ME3: variants seen among roughly 807,000 people sequenced by gnomAD.
ME3 encodes the protein malic enzyme 3.
Under a neutral mutation model 68.9 loss-of-function variants are expected in ME3, and 48 were observed. The observed-to-expected ratio is 0.70, with a 90% CI of 0.55 to 0.89. The LOEUF (loss-of-function observed/expected upper bound fraction) is 0.89, where lower values mean the gene tolerates loss of function less well. Ranked by LOEUF, ME3 falls within the 40% of genes least tolerant of loss-of-function variation. The probability of loss-of-function intolerance (pLI) is 0.00; values close to 1 mark genes in which losing one functional copy is unlikely to be tolerated. For missense variants in ME3, 675 were observed against 797.4 expected (o/e 0.85, Z 1.85); for synonymous variants, 320 against 318.8 (o/e 1.00, Z -0.04).
intron 4 of ME3, among the ~76,000 whole-genome samples, chr11:86,530,518 C>G (rs1250055081): frequency 2.0e-5 from 3 of 152,086 alleles, no homozygotes; most frequent in African/African-American, 7.2e-5. Context: ...CATATGGAAC[C>G]AAAAAATAGC....
At chr11:86,590,356 G>T (rs1406733120) in intron 2 of ME3, among the ~76,000 whole-genome samples, 1 of 152,210 alleles carries the variant, frequency 6.6e-6, no homozygotes, top group Non-Finnish European at 1.5e-5. Flanking sequence ...GCAAGGTTAA[G>T]AGAATGATAC....
chr11:86,454,069 A>G (rs891082947), intron 8 of ME3, among the ~76,000 whole-genome samples: 13 of 152,252 alleles, frequency 8.5e-5, no homozygotes, highest in Admixed American at 8.5e-4. Context: ...ACACTCCACG[A>G]TGGTGAAACC....
At position 86,538,088 on chromosome 11, in the gene ME3, C is replaced by G. The variant is rs146707686; in HGVS notation, c.467+18465G>C. On this transcript the variant is annotated intron_variant, in intron 4 of 14. Coordinates refer to ENST00000543262, the Ensembl canonical transcript of ME3. The stretch of plus-strand genomic sequence containing the variant: ...TAGCCCTGAGACTGATGCACATAGA[C>G]TCCTGCAGATACCTGTTGCTGATTT... Among the ~76,000 whole-genome samples the G allele has an allele frequency of 2.5e-3, 384 of 152,332 alleles. 2 individuals are homozygous for G. The highest frequency in any genetic ancestry group is 6.1e-3 in the Admixed American group (94 of 15,304).
chr11:86,459,926 T>C (rs1170741571), intron 8 of ME3, among the ~76,000 whole-genome samples: 1 of 152,224 alleles, frequency 6.6e-6, no homozygotes, highest in East Asian at 1.9e-4. Flanking sequence ...AGTGGGGCTT[T>C]CCTGGCTCCA....
chr11:86,650,472 C>T (rs183551156), intron 2 of ME3, among the ~76,000 whole-genome samples: 7 of 152,274 alleles, frequency 4.6e-5, no homozygotes, highest in African/African-American at 1.7e-4. Flanking sequence ...TCTAGTTAAA[C>T]TAAAGAGCTT....
At position 86,592,628 on chromosome 11, in the gene ME3, G is replaced by C. The variant is rs557698725; in HGVS notation, c.184-32805C>G. The stretch of plus-strand genomic sequence containing the variant: ...CATAGACAATTGCTGGATGCAACTA[G>C]GTCAGTCTCCAGATCTGAAATTAAA... On this transcript the variant is annotated intron_variant, in intron 2 of 14. Coordinates refer to ENST00000543262, the Ensembl canonical transcript of ME3. 1.8e-4 allele frequency among the ~76,000 whole-genome samples: 27 copies of C among 152,216 alleles called. No individual in the cohort carries two copies. In the East Asian group the frequency reaches 5.0e-3, roughly 28 times the overall value.
At chr11:86,572,941 A>G (rs1048463127) in intron 2 of ME3, among the ~76,000 whole-genome samples, 4 of 152,010 alleles carry the variant, frequency 2.6e-5, no homozygotes, top group African/African-American at 7.2e-5. Context: ...ATCAGCATCT[A>G]TTGTTTCCTG....
chr11:86,636,692 C>T (rs1944353800), intron 2 of ME3, among the ~76,000 whole-genome samples: 1 of 152,228 alleles, frequency 6.6e-6, no homozygotes, highest in South Asian at 2.1e-4. Context: ...TGTACTCTGG[C>T]TTTTCTATTT....
intron 4 of ME3, among the ~76,000 whole-genome samples, chr11:86,522,915 A>T (rs1478320867): frequency 2.6e-5 from 4 of 152,198 alleles, no homozygotes; most frequent in Non-Finnish European, 5.9e-5. Context: ...CAAATACTAT[A>T]CCATTTTATA....
At chr11:86,544,370 G>T (rs1439611948) in intron 4 of ME3, among the ~76,000 whole-genome samples, 1 of 152,128 alleles carries the variant, frequency 6.6e-6, no homozygotes, top group Non-Finnish European at 1.5e-5. Context: ...CCAGGAGCTG[G>T]TTTTTTGAAA....
chr11:86,619,724 T>A (rs747636868), intron 2 of ME3, among the ~76,000 whole-genome samples: 11 of 152,242 alleles, frequency 7.2e-5, no homozygotes, highest in Non-Finnish European at 1.3e-4. Flanking sequence ...TAAGCCTCCT[T>A]TTCTTTATAA....
intron 14 of ME3, among the ~76,000 whole-genome samples, chr11:86,442,374 C>G (rs1327835215): frequency 2.0e-5 from 3 of 152,190 alleles, no homozygotes; most frequent in Non-Finnish European, 2.9e-5. Flanking sequence ...GAGTGAGGAA[C>G]TACTGGCCCT....
intron 4 of ME3, among the ~76,000 whole-genome samples, chr11:86,517,221 AC>A (rs1380378726): frequency 6.6e-6 from 1 of 152,088 alleles, no homozygotes; most frequent in Non-Finnish European, 1.5e-5. Flanking sequence ...ATAAAATGCA[AC>A]ATGGCACCTC....
At chr11:86,445,039 A>G (rs1949206179) in intron 13 of ME3, among the ~76,000 whole-genome samples, 1 of 152,180 alleles carries the variant, frequency 6.6e-6, no homozygotes, top group South Asian at 2.1e-4. Context: ...CCATGGTATT[A>G]TATAGGCAGG....
At chr11:86,503,048 CTCT>C (rs1327480207) in intron 5 of ME3, among the ~76,000 whole-genome samples, 4 of 152,140 alleles carry the variant, frequency 2.6e-5, no homozygotes, top group Non-Finnish European at 4.4e-5. Context: ...CCTCCTCCTC[CTCT>C]TCTTCTGCTT....
intron 4 of ME3, among the ~76,000 whole-genome samples, chr11:86,548,221 GT>G (rs1281956005): frequency 6.6e-6 from 1 of 152,182 alleles, no homozygotes; most frequent in Admixed American, 6.5e-5. Context: ...CACTAAAAAA[GT>G]AAGCCAGTTC....
chr11:86,518,015 T>G (rs1954011997), intron 4 of ME3, among the ~76,000 whole-genome samples: 1 of 152,222 alleles, frequency 6.6e-6, no homozygotes, highest in African/African-American at 2.4e-5. Context: ...TGGCATGTGG[T>G]AAATTCTCCA....
intron 2 of ME3, among the ~76,000 whole-genome samples, chr11:86,617,045 G>GATTTTTTTT (rs1943007630): frequency 1.8e-5 from 1 of 56,300 alleles, no homozygotes; most frequent in Non-Finnish European, 3.1e-5. Context: ...CAAGATAGTA[G>GATTTTTTTT]TTTTTTTTTT....
chr11:86,549,733 G>A (rs951579987), intron 4 of ME3, among the ~76,000 whole-genome samples: 1 of 152,214 alleles, frequency 6.6e-6, no homozygotes, highest in African/African-American at 2.4e-5. Flanking sequence ...AAACTTGGAA[G>A]TGAGACTTCT....
Sources: allele counts gnomAD v4.1 joint callset (sites outside exome capture counted in the v4.1 genomes callset), GRCh38; gene constraint gnomAD v4.1.1; transcripts MANE v1.5; gene names NCBI Gene and HGNC (gene_info 2026-07-23, HGNC 2026-07-21).